The following DNAH5 variants were observed in gnomAD, a reference collection of about 807,000 sequenced individuals.
DNAH5 encodes the protein dynein axonemal heavy chain 5.
DNAH5 carries 372 observed loss-of-function variants against 518.2 expected under a neutral mutation model. The ratio of observed to expected loss-of-function variants is 0.72; its 90% CI spans 0.66 to 0.78. The LOEUF is 0.78. Ranked by LOEUF, DNAH5 falls within the 30% of genes least tolerant of loss-of-function variation. The pLI, the probability that DNAH5 is intolerant of heterozygous loss-of-function variation, is 0.00. For missense variants in DNAH5, 5,523 were observed against 5,687.0 expected (o/e 0.97, Z 0.93); for synonymous variants, 2,039 against 2,025.9 (o/e 1.01, Z -0.17).
chr5:13,793,781 C>T, intron 48 of DNAH5, 53 bp from the exon 49 acceptor site: 1 of 1,588,114 alleles, frequency 6.3e-7, no homozygotes, highest in South Asian at 1.1e-5. Flanking sequence ...ATCCCCGGAG[C>T]CTAACTCCTT....
At chr5:13,929,896 G>C (rs1018919766) in intron 2 of DNAH5, among the ~76,000 whole-genome samples, 6 of 152,072 alleles carry the variant, frequency 3.9e-5, no homozygotes, top group African/African-American at 1.4e-4. Flanking sequence ...TTCACCTCTG[G>C]AACAATCTCC....
chr5:13,817,688 C>T lies in DNAH5; in HGVS notation c.6848G>A (p.Gly2283Glu). 6.2e-7 allele frequency: 1 copy of T among 1,614,146 alleles called. No homozygotes were observed. The highest frequency in any genetic ancestry group is 1.3e-5 in the African/African-American group (1 of 75,052). Reference sequence around the variant, plus strand: ...CATCCTCATTTCCCGATGTGGTTTTCCACAATCTATACCAAGTAAATCCAA... The same window carrying T: ...CATCCTCATTTCCCGATGTGGTTTTTCACAATCTATACCAAGTAAATCCAA... Reference protein sequence around the residue: ...HTLMRAMTDCGKPHREMRMNP... With the variant: ...HTLMRAMTDCEKPHREMRMNP... The change falls in exon 42 of 79, where the codon GGA becomes GAA. Residue 2283 changes from glycine to glutamate, a missense_variant. Physicochemically the swap from Gly to Glu is moderately conservative, Grantham distance 98. Transcript: ENST00000265104.
At chr5:13,699,436 G>A (rs1297464621) in intron 78 of DNAH5, among the ~76,000 whole-genome samples, 1 of 152,138 alleles carries the variant, frequency 6.6e-6, no homozygotes, top group Non-Finnish European at 1.5e-5. Flanking sequence ...ACTTGGGGCC[G>A]GGCATGGTGG....
rs550998929 is a variant in DNAH5 at position 13,933,657 on chromosome 5, G to A, written c.58-2413C>T. On this transcript the variant is annotated intron_variant, in intron 1 of 78. Transcript: ENST00000265104. ...ATACAAAAATTAGCCAGGCATGGTGGCATGTGCCTGTAATCCCAGCTACTT... is the reference window on the plus strand; with the variant it reads ...ATACAAAAATTAGCCAGGCATGGTGACATGTGCCTGTAATCCCAGCTACTT... Among the ~76,000 whole-genome samples the A allele has an allele frequency of 5.3e-5, 8 of 152,182 alleles. No homozygotes were observed. The South Asian group carries it at 1.2e-3, about 24-fold the overall frequency.
Position 13,876,795 on chromosome 5 carries a change from T to C in DNAH5, c.3285A>G (p.Val1095=), listed in dbSNP as rs761360147. ...ELQDTLEIAS[V]NLPIPVQTKN... ...TGGTTTGCACGGGAATGGGTAAATT[T>C]ACAGATGCTATCTCCAAGGTATCTA... Residue 1095 remains valine, a synonymous_variant, in exon 22 of 79, where the codon GTA becomes GTG. Transcript: ENST00000265104. 1 of 1,613,806 alleles carries C rather than the reference T, an allele frequency of 6.2e-7. No individual in the cohort carries two copies. The highest frequency in any genetic ancestry group is 1.7e-5 in the Admixed American group (1 of 59,972).
At chr5:13,775,286 T>C (rs1403296452) in intron 55 of DNAH5, among the ~76,000 whole-genome samples, 2 of 152,096 alleles carry the variant, frequency 1.3e-5, no homozygotes, top group Non-Finnish European at 2.9e-5. Flanking sequence ...ATTCTGTGTT[T>C]AAAAGCCACA....
rs117132830 is a variant in DNAH5 at position 13,928,801 on chromosome 5, C to G, written c.193-623G>C. On this transcript the variant is annotated intron_variant, in intron 2 of 78. Transcript: ENST00000265104. ...AAATAAAAAGATAAAATCCACACACCCATTAGGCATTAGGATGGCTACCAC... is the reference window on the plus strand; with the variant it reads ...AAATAAAAAGATAAAATCCACACACGCATTAGGCATTAGGATGGCTACCAC... 1.5e-3 allele frequency among the ~76,000 whole-genome samples: 228 copies of G among 152,220 alleles called. 9 individuals carry two copies. The East Asian group carries it at 0.034, about 23-fold the overall frequency.
chr5:13,896,039 A>G lies in DNAH5; in HGVS notation c.2260-1218T>C, dbSNP rs1009300153. ...CAGGGAGACAACAGTAGATCATCCC[A>G]ATAATTTAGGTAGGAGCCAATGATG... On this transcript the variant is annotated intron_variant, in intron 15 of 78. Coordinates refer to ENST00000265104, the MANE Select transcript of DNAH5 (RefSeq NM_001369.3). Among the ~76,000 whole-genome samples, 7 of 151,838 alleles carry G rather than the reference A, an allele frequency of 4.6e-5. No individual in the cohort carries two copies. The South Asian group carries it at 1.2e-3, about 27-fold the overall frequency.
At chr5:13,749,248 G>GA (rs35031085) in intron 65 of DNAH5, among the ~76,000 whole-genome samples, 53,753 of 151,612 alleles carry the variant, frequency 0.35, 9,838 homozygotes, top group East Asian at 0.43. Flanking sequence ...TATTATGAAA[G>GA]AAAAAAAATG....
At chr5:13,869,324 GT>G (rs56233228) in intron 24 of DNAH5, among the ~76,000 whole-genome samples, 2 of 151,514 alleles carry the variant, frequency 1.3e-5, no homozygotes, top group Non-Finnish European at 2.9e-5. Flanking sequence ...TACAACTGGA[GT>G]TTTTTTTAAT....
chr5:13,784,253 T>C (rs1170223472), intron 52 of DNAH5, among the ~76,000 whole-genome samples: 1 of 152,218 alleles, frequency 6.6e-6, no homozygotes, highest in Non-Finnish European at 1.5e-5. Context: ...ATTTGGAAAA[T>C]ATATTTTCCT....
At chr5:13,748,264 C>A (rs1201684301) in intron 65 of DNAH5, among the ~76,000 whole-genome samples, 1 of 152,184 alleles carries the variant, frequency 6.6e-6, no homozygotes, top group South Asian at 2.1e-4. Flanking sequence ...CAGTACCATG[C>A]TGTTTTCGTT....
At position 13,885,970 on chromosome 5, in the gene DNAH5, T is replaced by A. The variant is rs1772368686; in HGVS notation, c.2737A>T (p.Ser913Cys). ...TCATTACCCCATCTCTTACCTGAAC[T>A]TTCATTTTTGTAATTAACACTATTC... ...NENSVNYKNESSAKREEGNFD... is the reference protein window; with the variant it reads ...NENSVNYKNECSAKREEGNFD... Residue 913 changes from serine (S) to cysteine (C), a missense_variant, in exon 18 of 79, where the codon AGT becomes TGT. Transcript: ENST00000265104. The A allele has an allele frequency of 1.2e-6, 2 of 1,612,748 alleles. No individual in the cohort carries two copies. Among genetic ancestry groups the A allele is most frequent in the African/African-American group, 2.7e-5 (2 of 74,904 alleles).
chr5:13,746,030 C>T (rs1376652916), intron 65 of DNAH5, among the ~76,000 whole-genome samples: 1 of 151,968 alleles, frequency 6.6e-6, no homozygotes. Flanking sequence ...ACTTCTTTGA[C>T]TTATAAGACA....
chr5:13,866,079 C>A, intron 26 of DNAH5, 141 bp downstream of exon 26: 1 of 898,042 alleles, frequency 1.1e-6, no homozygotes, highest in Admixed American at 2.4e-5. Flanking sequence ...TAATTGTAAT[C>A]CTACAATATC....
chr5:13,794,703 T>C (rs1757551591), intron 47 of DNAH5, among the ~76,000 whole-genome samples: 1 of 152,192 alleles, frequency 6.6e-6, no homozygotes, highest in Admixed American at 6.5e-5. Flanking sequence ...CGGTGGCTGA[T>C]GCCTGTAATC....
Position 13,916,393 on chromosome 5 carries a change from A to C in DNAH5, c.1152T>G (p.Ser384=). The C allele has an allele frequency of 6.5e-7, 1 of 1,544,776 alleles. No individual in the cohort carries two copies. Residue 384 remains serine, a synonymous_variant, in exon 9 of 79, where the codon TCT becomes TCG. Coordinates refer to ENST00000265104, the MANE Select transcript of DNAH5 (RefSeq NM_001369.3). The stretch of plus-strand genomic sequence containing the variant: ...TCTTCTCAGAGGTATTATAGTAATG[A>C]GAGATACTATAGATCATTTTAATTG... The part of the protein sequence containing the change: ...INAIKMIYSI[S]HYYNTSEKIT...
At position 13,864,413 on chromosome 5, in the gene DNAH5, T is replaced by C. The variant is rs1248192683; in HGVS notation, c.4580A>G (p.Tyr1527Cys). The C allele has an allele frequency of 1.2e-6, 2 of 1,614,052 alleles. No individual in the cohort carries two copies. The highest frequency in any genetic ancestry group is 1.7e-6 in the Non-Finnish European group (2 of 1,179,966). ...RNIMEAPLLK[Y>C]KEEIEDICIS... ...ATACTCTACCTCTATTTCCTCTTTATATTTCAGAAGAGGTGCCTCCATGAT... is the reference window on the plus strand; with the variant it reads ...ATACTCTACCTCTATTTCCTCTTTACATTTCAGAAGAGGTGCCTCCATGAT... The change falls in exon 28 of 79, where the codon TAT becomes TGT. Residue 1527 changes from tyrosine (Y) to cysteine (C), a missense_variant. Tyr to Cys is a radical substitution (Grantham distance 194). Around this residue, in one of 3 missense-constraint regions of DNAH5, gnomAD observed 5,121 missense variants for 5,223.3 expected, o/e 0.98. Transcript: ENST00000265104.
At chr5:13,940,275 T>C (rs1200421911) in intron 1 of DNAH5, among the ~76,000 whole-genome samples, 1 of 152,036 alleles carries the variant, frequency 6.6e-6, no homozygotes, top group Non-Finnish European at 1.5e-5. Context: ...GACCTTCACA[T>C]GGCCATATAT....
Sources: allele counts gnomAD v4.1 joint callset (sites outside exome capture counted in the v4.1 genomes callset), GRCh38; gene constraint gnomAD v4.1.1; regional missense constraint gnomAD v4.1.1; transcripts MANE v1.5; gene names NCBI Gene and HGNC (gene_info 2026-07-23, HGNC 2026-07-21).